HIRA: variants seen among roughly 807,000 people sequenced by gnomAD.
The protein encoded by HIRA is histone cell cycle regulator, also known as protein HIRA.
HIRA carries 13 observed loss-of-function variants against 126.6 expected under a neutral mutation model. The observed-to-expected ratio is 0.10, with a 90% CI of 0.07 to 0.16. The LOEUF is 0.16. Among genes scored for constraint, HIRA ranks in the 10% least tolerant of loss-of-function variants. The pLI, the probability that HIRA is intolerant of heterozygous loss-of-function variation, is 1.00. For synonymous variants in HIRA, 511 were observed against 520.0 expected, an observed-to-expected ratio of 0.98 and a Z score of 0.24; for missense variants, 834 against 1,314.4, an observed-to-expected ratio of 0.63 and a Z score of 5.65.
chr22:19,377,839 G>A (rs753509295), intron 14 of HIRA, 30 bp downstream of exon 14: 1 of 1,541,902 alleles, frequency 6.5e-7, no homozygotes, highest in Non-Finnish European at 8.8e-7. Flanking sequence ...CTTTCCCCAG[G>A]GACAGGAACA....
rs183440638 is a variant in HIRA, at chr22:19,393,209, C to A, written c.823-995G>T. The stretch of plus-strand genomic sequence containing the variant: ...TGGGAGAATCACGTAGAGCACTAAC[C>A]ATGAAGCACTGATTTCCAAAGACTT... On this transcript the variant is annotated intron_variant, in intron 8 of 24. Transcript: ENST00000263208. Among the ~76,000 whole-genome samples, 1,071 of 152,264 alleles carry A rather than the reference C, an allele frequency of 7.0e-3. 10 individuals are homozygous for A. Among genetic ancestry groups the A allele is most frequent in the Non-Finnish European group, 0.012 (844 of 68,022 alleles).
chr22:19,430,593 T>C (rs980947553), intron 1 of HIRA, among the ~76,000 whole-genome samples: 6 of 146,554 alleles, frequency 4.1e-5, no homozygotes, highest in Non-Finnish European at 5.9e-5. Context: ...TGGAGGAGTC[T>C]CCCTGGGTTG....
At chr22:19,382,771 C>CTT (rs796469831) in intron 13 of HIRA, among the ~76,000 whole-genome samples, 40 of 102,136 alleles carry the variant, frequency 3.9e-4, no homozygotes, top group African/African-American at 1.5e-3. Context: ...ATTTTTCTTT[C>CTT]TTTTTTTTTT....
intron 5 of HIRA, among the ~76,000 whole-genome samples, chr22:19,399,380 A>T (rs1314541203): frequency 6.8e-6 from 1 of 147,210 alleles, no homozygotes; most frequent in Non-Finnish European, 1.5e-5. Context: ...AAATTGTCTC[A>T]CATGCTGTGG....
intron 5 of HIRA, among the ~76,000 whole-genome samples, chr22:19,403,101 CAAAA>C (rs199777922): frequency 2.8e-5 from 2 of 70,638 alleles, no homozygotes. Context: ...GACACAGTCT[CAAAA>C]AAAAAAAAAA....
In HIRA at chr22:19,331,496, A is replaced by G. The variant is rs782078893; in HGVS notation, c.2998T>C (p.Phe1000Leu). Residue 1000 changes from phenylalanine to leucine, a missense_variant, in exon 25 of 25, where the codon TTC becomes CTC. Coordinates refer to ENST00000263208, the MANE Select transcript of HIRA (RefSeq NM_003325.4). ...TGACACTCGGTGAAGAGGCGCTGGA[A>G]TCGGAGGTTCTGCCCGATGACTGGT... ...LLPVIGQNLR[F>L]QRLFTECQEQ... 11 of 1,613,782 alleles carry G rather than the reference A, an allele frequency of 6.8e-6. 1 individual carries two copies. In the South Asian group the frequency reaches 1.1e-4, roughly 16 times the overall value.
chr22:19,367,144 G>T (rs1184964137), intron 15 of HIRA, among the ~76,000 whole-genome samples: 3 of 152,054 alleles, frequency 2.0e-5, no homozygotes, highest in Non-Finnish European at 4.4e-5. Context: ...ATTTCTGATT[G>T]TATTTATTTA....
Position 19,385,583 on chromosome 22 carries a change from T to A in HIRA, c.1267A>T (p.Met423Leu). Residue 423 changes from methionine to leucine, a missense_variant, in exon 12 of 25, where the codon ATG (methionine) becomes TTG (leucine). Met to Leu is a conservative substitution (Grantham distance 15). Around this residue, in one of 5 missense-constraint regions of HIRA, gnomAD observed 153 missense variants for 270.6 expected, o/e 0.57. Transcript: ENST00000263208. ...LDQKSAATREMGSATSVAGVV... is the reference protein window; with the variant it reads ...LDQKSAATRELGSATSVAGVV... The stretch of plus-strand genomic sequence containing the variant: ...CCTGCGACTGAGGTGGCTGAGCCCA[T>A]CTCCCTGGTCGCAGCACTCTTCTGG... The A allele has an allele frequency of 6.2e-7, 1 of 1,614,178 alleles. No individual in the cohort carries two copies. Among genetic ancestry groups the A allele is most frequent in the South Asian group, 1.1e-5 (1 of 91,086 alleles).
At position 19,387,803 on chromosome 22, in the gene HIRA, G is replaced by A. The variant is rs1436829389; in HGVS notation, c.1021C>T (p.Leu341=). 1.9e-6 allele frequency: 3 copies of A among 1,612,520 alleles called. No individual in the cohort carries two copies. In the African/African-American group the frequency reaches 4.0e-5, roughly 22 times the overall value. The part of the protein sequence containing the change: ...IMDISWTLNG[L]GILVCSMDGS... ...TCCATAGAGCATACCAAGATGCCCA[G>A]CCCATTCAGAGTCCTGAAAGACATG... The change falls in exon 11 of 25, where the codon CTG becomes TTG. Residue 341 remains leucine, a synonymous_variant. Coordinates refer to ENST00000263208, the MANE Select transcript of HIRA (RefSeq NM_003325.4).
intron 6 of HIRA, 90 bp from the exon 7 acceptor site, chr22:19,397,037 G>A: frequency 2.5e-6 from 3 of 1,222,432 alleles, no homozygotes; most frequent in Non-Finnish European, 3.5e-6. Context: ...GCAAGAGAGG[G>A]GACTCAGCAG....
chr22:19,405,868 G>C lies in HIRA; in HGVS notation c.315C>G (p.Pro105=), dbSNP rs758451907. The change falls in exon 5 of 25, where the codon CCC becomes CCG. Residue 105 remains proline (P), a synonymous_variant. Transcript: ENST00000263208. ...MVWKRATYIG[P]STVFGSSGKL... ...TACCACTGGAGCCGAACACGGTGCTGGGGCCGATGTACCTGTGTGAGAAAG... is the reference window on the plus strand; with the variant it reads ...TACCACTGGAGCCGAACACGGTGCTCGGGCCGATGTACCTGTGTGAGAAAG... 43 of 1,497,134 alleles carry C rather than the reference G, an allele frequency of 2.9e-5. No individual in the cohort carries two copies. The highest frequency in any genetic ancestry group is 3.8e-5 in the Non-Finnish European group (42 of 1,115,600). The allele number at this position is 1,497,134 out of a possible 1,614,324, so 92.7% of individuals were successfully genotyped here. A position where few individuals can be genotyped will look rare whatever the true frequency, so the allele number is the denominator to read the frequency against.
At chr22:19,350,101 G>C (rs192328546) in intron 24 of HIRA, among the ~76,000 whole-genome samples, 2 of 151,738 alleles carry the variant, frequency 1.3e-5, no homozygotes, top group Non-Finnish European at 2.9e-5. Flanking sequence ...TGCCCAGCAT[G>C]AAATAGCAGC....
intron 5 of HIRA, 23 bp from the exon 6 acceptor site, chr22:19,398,110 G>T: frequency 6.3e-7 from 1 of 1,580,994 alleles, no homozygotes; most frequent in Non-Finnish European, 8.7e-7. Flanking sequence ...AGAGGGTTCT[G>T]GTGAGATCTC....
intron 3 of HIRA, 105 bp from the exon 4 acceptor site, chr22:19,407,379 A>G (rs1249158683): frequency 6.8e-6 from 6 of 880,708 alleles, no homozygotes; most frequent in Non-Finnish European, 1.1e-5. Context: ...TAATCTATCT[A>G]ATCTATTTAA....
rs1259630622 is a variant in HIRA, at chr22:19,396,940, T to C, written c.501A>G (p.Leu167=). 8 of 1,613,902 alleles carry C rather than the reference T, an allele frequency of 5.0e-6. No individual in the cohort carries two copies. In the African/African-American group the frequency reaches 5.3e-5, roughly 11 times the overall value. The change falls in exon 7 of 25, where the codon CTA becomes CTG. Residue 167 remains leucine (L), a synonymous_variant. Coordinates refer to ENST00000263208, the MANE Select transcript of HIRA (RefSeq NM_003325.4). ...IWNAVKFPEI[L]ATLRGHSGLV... ...AGCCAGAATGACCTCTCAGAGTAGC[T>C]AGAATTTCTGTGAAGAAAAAAGGAA...
intron 14 of HIRA, among the ~76,000 whole-genome samples, chr22:19,376,431 C>CT (rs909660908): frequency 6.6e-6 from 1 of 152,180 alleles, no homozygotes; most frequent in African/African-American, 2.4e-5. Context: ...GGCCACTGGA[C>CT]CTCCTCCTAA....
chr22:19,407,167 A>G lies in HIRA; in HGVS notation c.302+17T>C. On this transcript the variant is annotated intron_variant, in intron 4 of 24. Transcript: ENST00000263208. ...GCTTCTAAAAATAAAATGTGAAGAA[A>G]GGAAAATGATGCTTACGTAGCCCGC... The G allele has an allele frequency of 6.3e-7, 1 of 1,598,236 alleles. No homozygotes were observed. Among genetic ancestry groups the G allele is most frequent in the Non-Finnish European group, 8.6e-7 (1 of 1,165,704 alleles).
intron 1 of HIRA, among the ~76,000 whole-genome samples, chr22:19,422,936 C>G (rs982439525): frequency 6.6e-6 from 1 of 152,170 alleles, no homozygotes; most frequent in Non-Finnish European, 1.5e-5. Context: ...TGGTCTCCCA[C>G]CCCAATCCAC....
intron 8 of HIRA, among the ~76,000 whole-genome samples, chr22:19,392,531 T>C (rs8143152): frequency 0.01 from 1,549 of 152,332 alleles, 29 homozygotes; most frequent in African/African-American, 0.035. Flanking sequence ...ACTAGCCTTC[T>C]CAATTCCCTC....
Sources: gnomAD v4.1 joint callset for allele counts (sites outside exome capture counted in the v4.1 genomes callset) on GRCh38, gnomAD v4.1.1 for gene constraint, gnomAD v4.1.1 regional missense constraint, MANE v1.5 for transcripts, NCBI Gene and HGNC (gene_info 2026-07-23, HGNC 2026-07-21) for gene names.